The following SPIDR variants were observed in gnomAD, a reference collection of about 807,000 sequenced individuals.
SPIDR encodes scaffold protein involved in DNA repair.
Under a neutral mutation model 104.6 loss-of-function variants are expected in SPIDR, and 93 were observed. The ratio of observed to expected loss-of-function variants is 0.89; its 90% CI spans 0.75 to 1.06. The LOEUF (loss-of-function observed/expected upper bound fraction) is 1.06. Ranked by LOEUF, SPIDR falls within the 50% of genes least tolerant of loss-of-function variation. SPIDR has a pLI of 0.00. For synonymous variants in SPIDR, 431 were observed against 416.9 expected, an observed-to-expected ratio of 1.03 and a Z score of -0.41; for missense variants, 1,154 against 1,111.2, an observed-to-expected ratio of 1.04 and a Z score of -0.55.
intron 8 of SPIDR, among the ~76,000 whole-genome samples, chr8:47,491,391 A>G (rs2154366881): frequency 6.6e-6 from 1 of 152,294 alleles, no homozygotes; most frequent in Admixed American, 6.5e-5. Flanking sequence ...ACCTATTTAG[A>G]ATTAAACGGC....
chr8:47,346,698 T>C (rs896424272), intron 5 of SPIDR, among the ~76,000 whole-genome samples: 2 of 152,238 alleles, frequency 1.3e-5, no homozygotes, highest in African/African-American at 4.8e-5. Flanking sequence ...GGAGGGTGTA[T>C]GTTTGCAGGA....
At chr8:47,304,398 G>C (rs1253531430) in intron 5 of SPIDR, among the ~76,000 whole-genome samples, 1 of 152,124 alleles carries the variant, frequency 6.6e-6, no homozygotes, top group South Asian at 2.1e-4. Context: ...CAGGCACTGT[G>C]TCTCCTGCCT....
At position 47,416,324 on chromosome 8, in the gene SPIDR, C is replaced by A. The variant is rs142375802; in HGVS notation, c.877+8363C>A. ...GAGATTTTTCACTTAGTTTAATTCC[C>A]CGGAGATTTATCCAAGTTGTTGTGT... On this transcript the variant is annotated intron_variant, in intron 7 of 19. Coordinates refer to ENST00000297423, the MANE Select transcript of SPIDR (RefSeq NM_001080394.4). Among the ~76,000 whole-genome samples, 13 of 152,220 alleles carry A rather than the reference C, an allele frequency of 8.5e-5. No individual in the cohort carries two copies. The East Asian group carries it at 2.5e-3, about 29-fold the overall frequency.
At chr8:47,633,532 T>C (rs1563374497) in intron 10 of SPIDR, among the ~76,000 whole-genome samples, 1 of 150,506 alleles carries the variant, frequency 6.6e-6, no homozygotes, top group Non-Finnish European at 1.5e-5. Flanking sequence ...GTTTTTTCTT[T>C]TTGAAGACTA....
intron 10 of SPIDR, among the ~76,000 whole-genome samples, chr8:47,653,189 G>T (rs1039790438): frequency 6.6e-6 from 1 of 152,108 alleles, no homozygotes; most frequent in African/African-American, 2.4e-5. Flanking sequence ...TGTGACTCTT[G>T]CGTGGGCCAA....
intron 7 of SPIDR, among the ~76,000 whole-genome samples, chr8:47,415,195 G>A (rs183214798): frequency 2.0e-5 from 3 of 152,164 alleles, no homozygotes; most frequent in Admixed American, 2.0e-4. Context: ...GAGCCACCAT[G>A]CCCGGCCTAT....
chr8:47,628,369 G>A (rs1460520114), intron 10 of SPIDR, among the ~76,000 whole-genome samples: 2 of 152,070 alleles, frequency 1.3e-5, no homozygotes, highest in African/African-American at 4.8e-5. Flanking sequence ...TGTTTTCATG[G>A]GTAGAATTCT....
chr8:47,419,699 A>C (rs1563920458), intron 7 of SPIDR, among the ~76,000 whole-genome samples: 1 of 151,792 alleles, frequency 6.6e-6, no homozygotes, highest in Non-Finnish European at 1.5e-5. Flanking sequence ...TAGTTCTTTT[A>C]ATTGTGATGT....
intron 11 of SPIDR, among the ~76,000 whole-genome samples, chr8:47,677,077 G>A (rs373594117): frequency 1.4e-4 from 21 of 152,252 alleles, no homozygotes; most frequent in African/African-American, 4.8e-4. Context: ...TATGCTCACC[G>A]CAGAACATGC....
chr8:47,659,804 A>C, intron 10 of SPIDR: 1 of 819,674 alleles, frequency 1.2e-6, no homozygotes, highest in Non-Finnish European at 1.5e-6. Flanking sequence ...AGAGATTATA[A>C]AGTGGAGGGC....
intron 5 of SPIDR, among the ~76,000 whole-genome samples, chr8:47,313,926 A>T (rs587622559): frequency 6.6e-6 from 1 of 152,248 alleles, no homozygotes. Context: ...TTATACTACA[A>T]GAAATGTTTA....
At chr8:47,678,159 G>A (rs1184335443) in intron 11 of SPIDR, among the ~76,000 whole-genome samples, 3 of 152,166 alleles carry the variant, frequency 2.0e-5, no homozygotes, top group Non-Finnish European at 4.4e-5. Flanking sequence ...AGATTTGGGG[G>A]ATTTATCACA....
intron 16 of SPIDR, among the ~76,000 whole-genome samples, chr8:47,726,250 G>A (rs935411566): frequency 1.3e-5 from 2 of 152,192 alleles, no homozygotes; most frequent in African/African-American, 4.8e-5. Context: ...TGCATTGCAT[G>A]AATGCACTTT....
chr8:47,661,648 C>G (rs1488032520), intron 10 of SPIDR, among the ~76,000 whole-genome samples: 3 of 152,246 alleles, frequency 2.0e-5, no homozygotes, highest in Non-Finnish European at 4.4e-5. Context: ...TGCTGGTTGT[C>G]TTGCAGAGCA....
At chr8:47,670,410 A>T (rs1387454488) in intron 10 of SPIDR, among the ~76,000 whole-genome samples, 1 of 152,232 alleles carries the variant, frequency 6.6e-6, no homozygotes. Flanking sequence ...AGAGAGGGAA[A>T]CAAAACAAGA....
At chr8:47,495,760 T>A (rs1487525930) in intron 8 of SPIDR, among the ~76,000 whole-genome samples, 9 of 152,176 alleles carry the variant, frequency 5.9e-5, no homozygotes, top group Non-Finnish European at 1.5e-5. Context: ...CCTGAGAATA[T>A]CCAGTTCTAG....
At chr8:47,511,644 A>G (rs142903901) in intron 8 of SPIDR, 2 of 801,900 alleles carry the variant, frequency 2.5e-6, no homozygotes, top group Non-Finnish European at 2.3e-6. Flanking sequence ...CTCCTGCCAC[A>G]TAAGCAGACT....
At chr8:47,486,879 G>C (rs1357603104) in intron 8 of SPIDR, among the ~76,000 whole-genome samples, 2 of 152,176 alleles carry the variant, frequency 1.3e-5, no homozygotes, top group Non-Finnish European at 2.9e-5. Flanking sequence ...ACAACTGGTA[G>C]CAGCCACTGC....
intron 4 of SPIDR, among the ~76,000 whole-genome samples, chr8:47,293,113 G>A (rs1156629499): frequency 1.3e-5 from 2 of 151,966 alleles, no homozygotes; most frequent in African/African-American, 2.4e-5. Flanking sequence ...CTGACCTTCG[G>A]TCTGTTATGA....
Sources: gnomAD v4.1 joint callset for allele counts (sites outside exome capture counted in the v4.1 genomes callset) on GRCh38, gnomAD v4.1.1 for gene constraint, MANE v1.5 for transcripts, NCBI Gene and HGNC (gene_info 2026-07-23, HGNC 2026-07-21) for gene names.